The following GBP5 variants were observed in gnomAD, a reference collection of about 807,000 sequenced individuals.
GBP5 encodes the protein guanylate binding protein 5.
Under a neutral mutation model 58.2 loss-of-function variants are expected in GBP5, and 48 were observed. That is an observed-to-expected ratio of 0.83 (90% confidence interval 0.65 to 1.05). The LOEUF (loss-of-function observed/expected upper bound fraction) is 1.05. Ranked by LOEUF, GBP5 falls within the 50% of genes least tolerant of loss-of-function variation. The pLI, the probability that GBP5 is intolerant of heterozygous loss-of-function variation, is 0.00. For missense variants in GBP5, 714 were observed against 686.8 expected (o/e 1.04, Z -0.44); for synonymous variants, 248 against 251.8 (o/e 0.98, Z 0.14).
intron 11 of GBP5, among the ~76,000 whole-genome samples, chr1:89,261,548 C>T (rs1008462042): frequency 6.6e-6 from 1 of 152,198 alleles, no homozygotes; most frequent in African/African-American, 2.4e-5. Context: ...TTTGAAACCC[C>T]ACTTATCTCA....
chr1:89,262,608 C>G (rs559781987), intron 10 of GBP5, 75 bp downstream of exon 10: 1 of 1,096,126 alleles, frequency 9.1e-7, no homozygotes, highest in African/African-American at 1.6e-5. Context: ...TTTAACATCC[C>G]ATGAGGGCCA....
chr1:89,260,434 C>A lies in GBP5; in HGVS notation c.*270G>T. 3 of 277,952 alleles carry A rather than the reference C, an allele frequency of 1.1e-5. No individual in the cohort carries two copies. The highest frequency in any genetic ancestry group is 7.9e-5 in the East Asian group (1 of 12,724). The allele number at this position is 277,952 out of a possible 1,614,324, so 17.2% of individuals were successfully genotyped here. ...GAAAGCATCTCCTGATGAAACCATC[C>A]CAATATCACGCATAAATGAAGGCAG... On this transcript the variant is annotated 3_prime_UTR_variant, in exon 12 of 12. Coordinates refer to ENST00000370459, the MANE Select transcript of GBP5 (RefSeq NM_052942.5).
rs900449681 is a variant in GBP5 at position 89,259,841 on chromosome 1, G to T, written c.*863C>A. On this transcript the variant is annotated 3_prime_UTR_variant, in exon 12 of 12. Transcript: ENST00000370459. ...ATGGCCTTGCCCCCCCGACACCCCC[G>T]CACACACACACAAAACCCCTGCAGA... 1 of 151,642 alleles carries T rather than the reference G, an allele frequency of 6.6e-6. No homozygotes were observed. Among genetic ancestry groups the T allele is most frequent in the African/African-American group, 2.4e-5 (1 of 41,180 alleles). 9.4% of individuals were successfully genotyped at this position (151,642 alleles called of 1,614,324 possible).
Position 89,264,907 on chromosome 1 carries a change from T to G in GBP5, c.928A>C (p.Ile310Leu), listed in dbSNP as rs1282113292. The G allele has an allele frequency of 1.2e-6, 2 of 1,614,224 alleles. No homozygotes were observed. The highest frequency in any genetic ancestry group is 1.7e-6 in the Non-Finnish European group (2 of 1,180,024). ...GCCAAGGCCAGGACTGCATTCTCTA[T>G]GCAAGGCAGATCCCCACTGCTGATG... ...NAISSGDLPC[I>L]ENAVLALAQR... Residue 310 changes from isoleucine (I) to leucine (L), a missense_variant, in exon 8 of 12, where the codon ATA (isoleucine) becomes CTA (leucine). Coordinates refer to ENST00000370459, the MANE Select transcript of GBP5 (RefSeq NM_052942.5).
intron 6 of GBP5, 64 bp downstream of exon 6, chr1:89,266,893 A>G: frequency 1.6e-6 from 2 of 1,214,138 alleles, no homozygotes; most frequent in Non-Finnish European, 2.3e-6. Context: ...AACCACCTAA[A>G]CAAAAGAGAT....
intron 7 of GBP5, among the ~76,000 whole-genome samples, chr1:89,265,788 T>C (rs1224723382): frequency 1.3e-5 from 2 of 151,716 alleles, no homozygotes; most frequent in Admixed American, 6.6e-5. Flanking sequence ...TTTCTCTTAA[T>C]GTTTGTTTGA....
chr1:89,260,859 G>A (rs774284421), intron 11 of GBP5, 42 bp from the exon 12 acceptor site: 58 of 1,393,802 alleles, frequency 4.2e-5, no homozygotes, highest in Admixed American at 2.9e-4. Flanking sequence ...GCTTCTTACT[G>A]ATTGCCTAAA....
chr1:89,270,003 T>C (rs1650380513), intron 2 of GBP5: 1 of 152,484 alleles, frequency 6.6e-6, no homozygotes, highest in Non-Finnish European at 1.5e-5. Flanking sequence ...TTCATTTTTT[T>C]CAGTTAGATC....
rs1649832210 is a variant in GBP5, at chr1:89,257,647, T to A, written c.*3057A>T. Among the ~76,000 whole-genome samples, 1 of 152,226 alleles carries A rather than the reference T, an allele frequency of 6.6e-6. No individual in the cohort carries two copies. The highest frequency in any genetic ancestry group is 1.5e-5 in the Non-Finnish European group (1 of 68,032). On this transcript the variant is annotated 3_prime_UTR_variant, in exon 12 of 12. Transcript: ENST00000370459. ...GCCATAAAACAATACTAAATGTTTA[T>A]AAGGTTTTTATGAGCAACAGGTGAA...
In GBP5 at chr1:89,258,206, G is replaced by T. The variant is rs1173928486; in HGVS notation, c.*2498C>A. On this transcript the variant is annotated 3_prime_UTR_variant, in exon 12 of 12. Coordinates refer to ENST00000370459, the MANE Select transcript of GBP5 (RefSeq NM_052942.5). ...CATGCCTCTCTGGTTTTTGGTGGGG[G>T]AGATATAATAGCAAAAGTTAAATTA... 6.6e-6 allele frequency among the ~76,000 whole-genome samples: 1 copy of T among 152,112 alleles called. No individual in the cohort carries two copies. The highest frequency in any genetic ancestry group is 2.4e-5 in the African/African-American group (1 of 41,428).
rs778827233 is a variant in GBP5 at position 89,266,448 on chromosome 1, G to T, written c.766C>A (p.Leu256Ile). The T allele has an allele frequency of 4.3e-6, 7 of 1,614,104 alleles. No homozygotes were observed. The South Asian group carries it at 4.4e-5, about 10-fold the overall frequency. Residue 256 changes from leucine to isoleucine, a missense_variant, in exon 7 of 12, where the codon CTA becomes ATA. Transcript: ENST00000370459. ...ACTTGTTGCACAAATTCAGGCTCTA[G>T]CTCATCATCAGGCAGTGTTTCAAGT... is the stretch of plus-strand genomic sequence containing the variant. ...AQLETLPDDE[L>I]EPEFVQQVTE... is the part of the protein sequence containing the mutation.
chr1:89,267,802 T>C (rs757351504), intron 4 of GBP5, among the ~76,000 whole-genome samples: 4 of 152,150 alleles, frequency 2.6e-5, no homozygotes, highest in Non-Finnish European at 4.4e-5. Context: ...TAAAACAAAA[T>C]TGGCCTATAT....
At chr1:89,265,087 A>C in intron 7 of GBP5, 121 bp from the exon 8 acceptor site, 1 of 912,354 alleles carries the variant, frequency 1.1e-6, no homozygotes, top group Non-Finnish European at 1.6e-6. Context: ...CATTATGGAC[A>C]GTAGTCAAGT....
intron 11 of GBP5, 81 bp from the exon 12 acceptor site, chr1:89,260,898 C>T: frequency 2.1e-6 from 2 of 954,774 alleles, no homozygotes; most frequent in Non-Finnish European, 3.4e-6. Context: ...TTCTTTTCAT[C>T]TACAGTAGCA....
Position 89,266,529 on chromosome 1 carries a change from GA to G in GBP5, c.684del (p.Pro229GlnfsTer28), listed in dbSNP as rs752690565. 7 of 1,613,790 alleles carry G rather than the reference GA, an allele frequency of 4.3e-6. No homozygotes were observed. The African/African-American group carries it at 9.3e-5, about 22-fold the overall frequency. ...TCAAAGATAAAGCATTTCTTTTTTG[GA>G]AAGAACTTCTGTATACACAGACGGG... ...NLPRLCIQKF[F>X]PKKKCFIFDL... On this transcript the variant is annotated frameshift_variant, in exon 7 of 12. Transcript: ENST00000370459. LOFTEE classifies it high-confidence loss of function.
rs1243040095 is a variant in GBP5, at chr1:89,263,873, G to A, written c.1225C>T (p.Leu409Phe). The A allele has an allele frequency of 1.2e-6, 2 of 1,612,432 alleles. No homozygotes were observed. Among genetic ancestry groups the A allele is most frequent in the African/African-American group, 1.3e-5 (1 of 74,410 alleles). The part of the protein sequence containing the change: ...EASSDYCSAL[L>F]KDIFGPLEEA... ...TCTAGAGGACCAAAAATATCCTTAA[G>A]TAAAGCCGAGCAATAATCCGAGGAT... Residue 409 changes from leucine to phenylalanine, a missense_variant, in exon 9 of 12, where the codon CTT becomes TTT. Leu to Phe is a conservative substitution (Grantham distance 22). Coordinates refer to ENST00000370459, the MANE Select transcript of GBP5 (RefSeq NM_052942.5).
In GBP5 at chr1:89,263,740, A is replaced by G. The variant is rs764639414; in HGVS notation, c.1358T>C (p.Ile453Thr). 4.3e-6 allele frequency: 7 copies of G among 1,609,590 alleles called. No individual in the cohort carries two copies. The Admixed American group carries it at 6.7e-5, about 15-fold the overall frequency. Residue 453 changes from isoleucine (I) to threonine (T), a missense_variant, in exon 9 of 12, where the codon ATA (isoleucine) becomes ACA (threonine). Ile to Thr is a moderately conservative substitution (Grantham distance 89). Transcript: ENST00000370459. The stretch of plus-strand genomic sequence containing the variant: ...AATAGGTAGAACTAGGGATACCTGT[A>G]TTCCTTTCCGAGGCTCCCGATAGTA... ...AKYYREPRKG[I>T]QAEEVLQKYL...
In GBP5 at chr1:89,263,014, G is replaced by A. The variant is rs1382421560; in HGVS notation, c.1363-229C>T. The A allele has an allele frequency of 1.6e-5, 6 of 378,026 alleles. No individual in the cohort carries two copies. In the Admixed American group the frequency reaches 2.5e-4, roughly 16 times the overall value. 23.4% of individuals were successfully genotyped at this position (378,026 alleles called of 1,614,324 possible). On this transcript the variant is annotated intron_variant, in intron 9 of 11. Transcript: ENST00000370459. ...GAACACCTGCTCCTGTCACAAGTTT[G>A]GCCATGACTCCATGGTCAGTCAGAG...
chr1:89,262,944 C>G (rs932548736), intron 9 of GBP5, 159 bp from the exon 10 acceptor site: 94 of 489,398 alleles, frequency 1.9e-4, no homozygotes, highest in African/African-American at 1.3e-3. Flanking sequence ...CAGGCTTCCA[C>G]CCTGCACTTG....
Sources: gnomAD v4.1 joint callset for allele counts (sites outside exome capture counted in the v4.1 genomes callset) on GRCh38, gnomAD v4.1.1 for gene constraint, MANE v1.5 for transcripts, NCBI Gene and HGNC (gene_info 2026-07-23, HGNC 2026-07-21) for gene names.